The following SLC37A3 variants were observed in gnomAD, a reference collection of about 807,000 sequenced individuals.
SLC37A3 encodes sugar phosphate exchanger 3.
SLC37A3 carries 51 observed loss-of-function variants against 67.1 expected under a neutral mutation model. The ratio of observed to expected loss-of-function variants is 0.76; its 90% CI spans 0.61 to 0.96. SLC37A3 has a LOEUF of 0.96. Among genes scored for constraint, SLC37A3 ranks in the 40% least tolerant of loss-of-function variants. The pLI is 0.00. For missense variants in SLC37A3, 508 were observed against 603.0 expected (o/e 0.84, Z 1.65); for synonymous variants, 214 against 231.4 (o/e 0.92, Z 0.68).
At chr7:140,352,041 G>C (rs772352438) in intron 8 of SLC37A3, 21 bp downstream of exon 8, 13 of 1,599,658 alleles carry the variant, frequency 8.1e-6, no homozygotes, top group African/African-American at 1.3e-5. Flanking sequence ...ATTCGGAATA[G>C]AAGGGGCGGC....
Position 140,360,735 on chromosome 7 carries a change from A to G in SLC37A3, c.376-1950T>C, listed in dbSNP as rs1797233737. ...GGTGACAGAGCAAGACTCCGTTTAAAAAAAAAAAAAAAAAGATTAATCAGA... is the reference window on the plus strand; with the variant it reads ...GGTGACAGAGCAAGACTCCGTTTAAGAAAAAAAAAAAAAAGATTAATCAGA... On this transcript the variant is annotated intron_variant, in intron 5 of 14. Coordinates refer to ENST00000326232, the MANE Select transcript of SLC37A3 (RefSeq NM_207113.3). Among the ~76,000 whole-genome samples, 3 of 114,340 alleles carry G rather than the reference A, an allele frequency of 2.6e-5. No homozygotes were observed. The South Asian group carries it at 9.6e-4, about 37-fold the overall frequency. 75.0% of individuals were successfully genotyped at this position (114,340 alleles called of 152,430 possible). A position where few individuals can be genotyped will look rare whatever the true frequency, so the allele number is the denominator to read the frequency against.
intron 10 of SLC37A3, among the ~76,000 whole-genome samples, chr7:140,346,906 T>C (rs1796584690): frequency 6.6e-6 from 1 of 151,724 alleles, no homozygotes; most frequent in South Asian, 2.1e-4. Context: ...CACTGCACTC[T>C]AGCCTGGGCA....
At position 140,380,897 on chromosome 7, in the gene SLC37A3, C is replaced by CTT. The variant is rs56276405; in HGVS notation, c.90-509_90-508dup. On this transcript the variant is annotated intron_variant, in intron 2 of 14. Coordinates refer to ENST00000326232, the MANE Select transcript of SLC37A3 (RefSeq NM_207113.3). The stretch of plus-strand genomic sequence containing the variant: ...GAACAATTTTAGAATTCTTCTTCTT[C>CTT]TTTTTTTTTTTTTTTTTGAGACAGA... Among the ~76,000 whole-genome samples the CTT allele has an allele frequency of 2.7e-3, 344 of 125,834 alleles. 4 individuals carry two copies. The highest frequency in any genetic ancestry group is 5.0e-3 in the East Asian group (21 of 4,196). 82.6% of individuals were successfully genotyped at this position (125,834 alleles called of 152,430 possible). A position where few individuals can be genotyped will look rare whatever the true frequency, so the allele number is the denominator to read the frequency against.
intron 5 of SLC37A3, among the ~76,000 whole-genome samples, chr7:140,361,808 T>C (rs1797314365): frequency 7.0e-6 from 1 of 142,288 alleles, no homozygotes; most frequent in Non-Finnish European, 1.5e-5. Flanking sequence ...AGCCTCGGCC[T>C]CCCGAGGTGC....
At position 140,358,797 on chromosome 7, in the gene SLC37A3, G is replaced by C. The variant is rs761236925; in HGVS notation, c.376-12C>G. The C allele has an allele frequency of 2.5e-6, 4 of 1,613,400 alleles. No individual in the cohort carries two copies. Among genetic ancestry groups the C allele is most frequent in the South Asian group, 2.2e-5 (2 of 91,064 alleles). On this transcript the variant is annotated splice_polypyrimidine_tract_variant and intron_variant, in intron 5 of 14. Transcript: ENST00000326232. ...CCAAAGACAAACACCTTGAAGAGGA[G>C]GAAACAAAAGGAATATGTAACAGCC...
At chr7:140,362,673 TGG>T (rs781223629) in intron 5 of SLC37A3, among the ~76,000 whole-genome samples, 762 of 15,532 alleles carry the variant, frequency 0.049, 49 homozygotes, top group South Asian at 0.11. Flanking sequence ...GGGAGGGAGG[TGG>T]GGGGGGGGGT....
At chr7:140,389,542 A>G (rs943961578) in intron 1 of SLC37A3, among the ~76,000 whole-genome samples, 3 of 152,186 alleles carry the variant, frequency 2.0e-5, no homozygotes, top group African/African-American at 7.2e-5. Flanking sequence ...GATTTGAGTA[A>G]TAATAAAACT....
In SLC37A3 at chr7:140,382,448, T is replaced by G; in HGVS notation, c.79A>C (p.Thr27Pro). 1 of 1,613,920 alleles carries G rather than the reference T, an allele frequency of 6.2e-7. No homozygotes were observed. Among genetic ancestry groups the G allele is most frequent in the Non-Finnish European group, 8.5e-7 (1 of 1,179,902 alleles). ...TGGCAACATGCTTACCTGAAGAAAG[T>G]GAGCAGGAACACTACAACATGATGA... ...SHHHVVVFLL[T>P]FFSYSLLHAS... Residue 27 changes from threonine to proline, a missense_variant, in exon 2 of 15, where the codon ACT (threonine) becomes CCT (proline). Thr to Pro is a conservative substitution (Grantham distance 38). Transcript: ENST00000326232.
At chr7:140,382,220 C>G (rs1798286231) in intron 2 of SLC37A3, among the ~76,000 whole-genome samples, 1 of 152,050 alleles carries the variant, frequency 6.6e-6, no homozygotes, top group Non-Finnish European at 1.5e-5. Context: ...TTCCTCTCCC[C>G]TCATGACCAC....
rs1432180624 is a variant in SLC37A3, at chr7:140,343,450, C to T, written c.1288G>A (p.Val430Met). 6.2e-7 allele frequency: 1 copy of T among 1,614,112 alleles called. No individual in the cohort carries two copies. The change falls in exon 13 of 15, where the codon GTG (valine) becomes ATG (methionine). Residue 430 changes from valine (V) to methionine (M), a missense_variant. Val to Met is a conservative substitution (Grantham distance 21, BLOSUM62 1). Coordinates refer to ENST00000326232, the MANE Select transcript of SLC37A3 (RefSeq NM_207113.3). ...SEALATVTGI[V>M]DGSGSIGAAV... Reference sequence around the variant, plus strand: ...GCTCCAATGCTCCCCGAACCATCCACAATTCCTGTGACAGTGGCCAAAGCT... The same window carrying T: ...GCTCCAATGCTCCCCGAACCATCCATAATTCCTGTGACAGTGGCCAAAGCT...
At chr7:140,343,587 T>G in intron 12 of SLC37A3, 24 bp from the exon 13 acceptor site, 1 of 1,612,888 alleles carries the variant, frequency 6.2e-7, no homozygotes, top group Non-Finnish European at 8.5e-7. Context: ...CAGGTTCTTA[T>G]TAAAACACAA....
chr7:140,397,413 T>G (rs980421609), intron 1 of SLC37A3, among the ~76,000 whole-genome samples: 4 of 151,846 alleles, frequency 2.6e-5, no homozygotes, highest in African/African-American at 9.7e-5. Flanking sequence ...AGGCTGGTCT[T>G]GAACTCCTGA....
At chr7:140,358,538 G>T in intron 6 of SLC37A3, 102 bp downstream of exon 6, 1 of 1,457,802 alleles carries the variant, frequency 6.9e-7, no homozygotes, top group Non-Finnish European at 9.4e-7. Flanking sequence ...GAAAGATGTG[G>T]GTGGTATCTA....
intron 14 of SLC37A3, among the ~76,000 whole-genome samples, chr7:140,336,925 C>T (rs922993150): frequency 7.3e-5 from 11 of 151,632 alleles, no homozygotes; most frequent in Middle Eastern, 3.4e-3. Flanking sequence ...ATGGTGAAAC[C>T]CCATCTCTAC....
At chr7:140,341,297 C>A (rs189121536) in intron 13 of SLC37A3, among the ~76,000 whole-genome samples, 1 of 152,196 alleles carries the variant, frequency 6.6e-6, no homozygotes, top group Admixed American at 6.5e-5. Context: ...GCAATTTAAT[C>A]TTACTGAACC....
intron 1 of SLC37A3, among the ~76,000 whole-genome samples, chr7:140,384,181 C>T (rs897889656): frequency 1.8e-4 from 27 of 151,894 alleles, no homozygotes; most frequent in African/African-American, 5.6e-4. Flanking sequence ...TCATTTGTCA[C>T]GAAGACTTTT....
chr7:140,350,769 CATAA>C (rs1453656774), intron 9 of SLC37A3, among the ~76,000 whole-genome samples: 1 of 151,608 alleles, frequency 6.6e-6, no homozygotes, highest in African/African-American at 2.4e-5. Flanking sequence ...GTCCCAAAAT[CATAA>C]ATAAATAAAT....
intron 12 of SLC37A3, chr7:140,344,007 T>G: frequency 4.9e-6 from 1 of 202,786 alleles, no homozygotes; most frequent in Non-Finnish European, 9.9e-6. Flanking sequence ...CTGCTCTCAG[T>G]GAGGCTGCCC....
intron 3 of SLC37A3, among the ~76,000 whole-genome samples, chr7:140,375,177 A>AC (rs1316603460): frequency 1.9e-4 from 29 of 150,964 alleles, no homozygotes; most frequent in South Asian, 4.2e-4. Context: ...AAAACAACAA[A>AC]AAAAAAACAG....
Sources: allele counts gnomAD v4.1 joint callset (sites outside exome capture counted in the v4.1 genomes callset), GRCh38; gene constraint gnomAD v4.1.1; transcripts MANE v1.5; gene names NCBI Gene and HGNC (gene_info 2026-07-23, HGNC 2026-07-21).